Variants in ABCC1 observed in about 807,000 individuals in gnomAD.
ABCC1 encodes the protein multidrug resistance-associated protein 1.
Under a neutral mutation model 172.9 loss-of-function variants are expected in ABCC1, and 83 were observed. The observed-to-expected ratio is 0.48, with a 90% confidence interval of 0.40 to 0.58. The LOEUF (loss-of-function observed/expected upper bound fraction) is 0.58. ABCC1 is among the 20% of genes least tolerant of loss of function. ABCC1 has a pLI of 0.00. For missense variants in ABCC1, 1,817 were observed against 2,002.7 expected (o/e 0.91, Z 1.77); for synonymous variants, 937 against 825.2 (o/e 1.14, Z -2.32).
intron 1 of ABCC1, among the ~76,000 whole-genome samples, chr16:15,963,560 G>A (rs943158083): frequency 3.3e-5 from 5 of 152,240 alleles, no homozygotes; most frequent in African/African-American, 7.2e-5. Flanking sequence ...TCTAGGTGGA[G>A]GTTTCCAAAC....
chr16:16,122,282 C>A, intron 24 of ABCC1, 108 bp downstream of exon 24: 1 of 1,242,618 alleles, frequency 8.0e-7, no homozygotes, highest in Non-Finnish European at 1.1e-6. Context: ...AGCCAAACCC[C>A]GGCCTTGCAG....
rs1426240428 is a variant in ABCC1, at chr16:16,142,831, G to A, written c.*1550G>A. ...TTAGAGCCCAAAGTGGAATCCGGAA[G>A]GCAGCCAGAGCTGAGGCTGCCCCAA... On this transcript the variant is annotated 3_prime_UTR_variant, in exon 31 of 31. Coordinates refer to ENST00000399410, the MANE Select transcript of ABCC1 (RefSeq NM_004996.4). The A allele has an allele frequency of 6.6e-6, 1 of 152,556 alleles. No individual in the cohort carries two copies. The highest frequency in any genetic ancestry group is 1.5e-5 in the Non-Finnish European group (1 of 68,038). 9.5% of individuals were successfully genotyped at this position (152,556 alleles called of 1,614,324 possible).
Position 16,107,111 on chromosome 16 carries a change from A to G in ABCC1, c.2871+238A>G, listed in dbSNP as rs565542828. On this transcript the variant is annotated intron_variant, in intron 21 of 30. Transcript: ENST00000399410. ...AACCCTGGCCAACTCCAGGGTTAGT[A>G]CTTGTAGTCTCTGCTCTATTGACTG... is the stretch of plus-strand genomic sequence containing the variant. Among the ~76,000 whole-genome samples the G allele has an allele frequency of 4.6e-5, 7 of 152,158 alleles. 1 individual carries two copies. In the East Asian group the frequency reaches 1.4e-3, roughly 29 times the overall value.
At chr16:16,091,097 A>C (rs907660615) in intron 19 of ABCC1, among the ~76,000 whole-genome samples, 2 of 152,024 alleles carry the variant, frequency 1.3e-5, no homozygotes, top group African/African-American at 4.8e-5. Flanking sequence ...CCTGCCCTTC[A>C]GACCCATCTG....
chr16:15,965,945 A>T (rs2046232897), intron 1 of ABCC1, among the ~76,000 whole-genome samples: 1 of 152,110 alleles, frequency 6.6e-6, no homozygotes, highest in African/African-American at 2.4e-5. Flanking sequence ...TAGAGTGCGT[A>T]TTGGCTTATT....
At chr16:16,094,209 C>T (rs143846227) in intron 19 of ABCC1, 2,828 of 276,494 alleles carry the variant, frequency 0.01, 17 homozygotes, top group Non-Finnish European at 0.016. Flanking sequence ...TCTGTAGGTC[C>T]GGCGACGCAA....
chr16:16,008,108 T>G, intron 2 of ABCC1, 116 bp downstream of exon 2: 1 of 1,054,248 alleles, frequency 9.5e-7, no homozygotes, highest in Non-Finnish European at 1.4e-6. Flanking sequence ...TTCCTTCTTC[T>G]AGAAGGCAGA....
At position 16,102,351 on chromosome 16, in the gene ABCC1, G is replaced by A. The variant is rs45455503; in HGVS notation, c.2645-276G>A. On this transcript the variant is annotated intron_variant, in intron 19 of 30. Coordinates refer to ENST00000399410, the MANE Select transcript of ABCC1 (RefSeq NM_004996.4). ...GGTTTTACCCATTGCTGCTGGCACA[G>A]GATGCTGGCTCAGGCCCAGTGCCCT... 7.9e-5 allele frequency among the ~76,000 whole-genome samples: 12 copies of A among 152,344 alleles called. No homozygotes were observed. In the East Asian group the frequency reaches 2.3e-3, roughly 29 times the overall value.
intron 22 of ABCC1, among the ~76,000 whole-genome samples, chr16:16,112,666 C>T (rs1193152757): frequency 3.3e-5 from 5 of 152,178 alleles, no homozygotes; most frequent in Non-Finnish European, 5.9e-5. Flanking sequence ...ACAAGGCAGT[C>T]TGGCTCAGGA....
chr16:15,951,171 A>C (rs572210311), intron 1 of ABCC1, among the ~76,000 whole-genome samples: 1 of 152,124 alleles, frequency 6.6e-6, no homozygotes. Context: ...GCAAAGATTC[A>C]CATGGTGATC....
chr16:16,048,255 C>G lies in ABCC1; in HGVS notation c.1332C>G (p.Ile444Met). 6.2e-7 allele frequency: 1 copy of G among 1,614,194 alleles called. No individual in the cohort carries two copies. Among genetic ancestry groups the G allele is most frequent in the Non-Finnish European group, 8.5e-7 (1 of 1,180,024 alleles). The change falls in exon 10 of 31, where the codon ATC becomes ATG. Residue 444 changes from isoleucine (I) to methionine (M), a missense_variant. Ile to Met is a conservative substitution (Grantham distance 10, BLOSUM62 1). This residue lies in a region of ABCC1 where 1,412 missense variants were observed against 1,600.3 expected (regional missense o/e 0.88). Coordinates refer to ENST00000399410, the MANE Select transcript of ABCC1 (RefSeq NM_004996.4). ...FMDLATYINMIWSAPLQVILA... is the reference protein window; with the variant it reads ...FMDLATYINMMWSAPLQVILA... ...ACTTGGCCACGTACATTAACATGAT[C>G]TGGTCAGCCCCCCTGCAAGTCATCC...
chr16:16,001,604 C>T (rs372958132), intron 1 of ABCC1, among the ~76,000 whole-genome samples: 4 of 152,126 alleles, frequency 2.6e-5, no homozygotes, highest in Non-Finnish European at 4.4e-5. Context: ...ATATCTAAGT[C>T]TATGAATCTT....
At chr16:15,977,049 A>G (rs1357017891) in intron 1 of ABCC1, among the ~76,000 whole-genome samples, 1 of 152,148 alleles carries the variant, frequency 6.6e-6, no homozygotes, top group Non-Finnish European at 1.5e-5. Flanking sequence ...TCAGTTTGTC[A>G]TAGGGCAGGG....
intron 8 of ABCC1, among the ~76,000 whole-genome samples, chr16:16,045,395 C>CAAAAAAAAAAAAAAAAAA (rs34870561): frequency 1.5e-5 from 1 of 64,704 alleles, no homozygotes; most frequent in Non-Finnish European, 2.9e-5. Context: ...GACTTTGTCT[C>CAAAAAAAAAAAAAAAAAA]AAAAAAAAAA....
At chr16:15,987,434 G>C (rs1455621629) in intron 1 of ABCC1, among the ~76,000 whole-genome samples, 1 of 152,186 alleles carries the variant, frequency 6.6e-6, no homozygotes, top group East Asian at 1.9e-4. Flanking sequence ...GAGGGATTCT[G>C]TTCAAACAGG....
intron 20 of ABCC1, among the ~76,000 whole-genome samples, chr16:16,105,709 CTTTTCTTTTTTT>C (rs972740305): frequency 7.4e-6 from 1 of 135,306 alleles, no homozygotes; most frequent in African/African-American, 2.9e-5. Flanking sequence ...CTTTTCTTTT[CTTTTCTTTTTTT>C]TTTTTTTTTG....
intron 7 of ABCC1, 35 bp from the exon 8 acceptor site, chr16:16,044,415 A>G: frequency 1.9e-6 from 3 of 1,586,452 alleles, no homozygotes; most frequent in Non-Finnish European, 2.6e-6. Context: ...CATCTCTGGC[A>G]GACCCCACAA....
chr16:16,124,215 C>T (rs767293955), intron 24 of ABCC1, among the ~76,000 whole-genome samples: 5 of 151,958 alleles, frequency 3.3e-5, no homozygotes, highest in Non-Finnish European at 7.4e-5. Flanking sequence ...GCCAAAAGGC[C>T]GAGAAACGAT....
chr16:15,988,188 G>T (rs1015828047), intron 1 of ABCC1, among the ~76,000 whole-genome samples: 7 of 152,144 alleles, frequency 4.6e-5, no homozygotes, highest in African/African-American at 1.7e-4. Flanking sequence ...AAAGTGCTGG[G>T]ATTATAGGTG....
Sources: allele counts gnomAD v4.1 joint callset (sites outside exome capture counted in the v4.1 genomes callset), GRCh38; gene constraint gnomAD v4.1.1; regional missense constraint gnomAD v4.1.1; transcripts MANE v1.5; gene names NCBI Gene and HGNC (gene_info 2026-07-23, HGNC 2026-07-21).